The following HAGH variants were observed in gnomAD, a reference collection of about 807,000 sequenced individuals.
HAGH encodes the protein hydroxyacylglutathione hydrolase, mitochondrial.
A neutral mutation model predicts 35.1 loss-of-function variants in HAGH; 29 were observed. The ratio of observed to expected loss-of-function variants is 0.83; its 90% CI spans 0.62 to 1.13. The LOEUF (loss-of-function observed/expected upper bound fraction) is 1.13. HAGH is among the 50% of genes most tolerant of loss of function. The pLI is 0.00. For synonymous variants in HAGH, 225 were observed against 176.1 expected, an observed-to-expected ratio of 1.28 and a Z score of -2.20; for missense variants, 478 against 419.6, an observed-to-expected ratio of 1.14 and a Z score of -1.22.
At chr16:1,823,064 G>C in intron 1 of HAGH, 27 bp from the exon 2 acceptor site, 2 of 1,609,410 alleles carry the variant, frequency 1.2e-6, no homozygotes, top group Non-Finnish European at 1.7e-6. Context: ...CAACTCAGCG[G>C]GCAGCCGCGC....
Position 1,809,272 on chromosome 16 carries a change from G to C in HAGH, c.*11C>G. 1 of 1,576,406 alleles carries C rather than the reference G, an allele frequency of 6.3e-7. No homozygotes were observed. Among genetic ancestry groups the C allele is most frequent in the Non-Finnish European group, 8.7e-7 (1 of 1,150,250 alleles). ...CCTAATCCCCAAATCCGCTGAAGGT[G>C]CAGGGCGGCCTCAGTCCCGGGGCAT... On this transcript the variant is annotated 3_prime_UTR_variant, in exon 9 of 9. Transcript: ENST00000397356.
rs1225380477 is a variant in HAGH at position 1,807,830 on chromosome 16, G to A, written c.*1453C>T. Reference sequence around the variant, plus strand: ...GAACAGACCAGTGACCCCTCCGGGGGGAGGGCATGCATGTGGTCTGAAGTG... The same window carrying A: ...GAACAGACCAGTGACCCCTCCGGGGAGAGGGCATGCATGTGGTCTGAAGTG... On this transcript the variant is annotated 3_prime_UTR_variant, in exon 9 of 9. Transcript: ENST00000397356. 9.2e-6 allele frequency: 1 copy of A among 108,612 alleles called. No homozygotes were observed. Among genetic ancestry groups the A allele is most frequent in the Non-Finnish European group, 1.9e-5 (1 of 52,120 alleles). 6.7% of individuals were successfully genotyped at this position (108,612 alleles called of 1,614,324 possible). A position where few individuals can be genotyped will look rare whatever the true frequency, so the allele number is the denominator to read the frequency against.
At chr16:1,822,080 G>A in intron 3 of HAGH, 1 of 569,446 alleles carries the variant, frequency 1.8e-6, no homozygotes, top group Non-Finnish European at 3.2e-6. Context: ...GGGTAAGGCT[G>A]TAACCTTCTC....
intron 3 of HAGH, among the ~76,000 whole-genome samples, chr16:1,821,086 G>A (rs551408559): frequency 2.6e-5 from 4 of 152,324 alleles, no homozygotes; most frequent in Admixed American, 2.6e-4. Context: ...CATGGTGGCA[G>A]CAAGGGCCTC....
chr16:1,817,337 C>A, intron 5 of HAGH, 66 bp from the exon 6 acceptor site: 2 of 1,011,426 alleles, frequency 2.0e-6, no homozygotes, highest in Middle Eastern at 2.0e-4. Flanking sequence ...CAGGAGGGGG[C>A]CAGGAGCAGG....
Position 1,809,070 on chromosome 16 carries a change from A to G in HAGH, c.*213T>C, listed in dbSNP as rs1596903628. ...GGCCCGAGGGGACAAGCAGAGGCCT[A>G]AAGGCCAGAAGAAAACAGTCTGCAA... On this transcript the variant is annotated 3_prime_UTR_variant, in exon 9 of 9. Coordinates refer to ENST00000397356, the MANE Select transcript of HAGH (RefSeq NM_005326.6). 1 of 521,704 alleles carries G rather than the reference A, an allele frequency of 1.9e-6. No individual in the cohort carries two copies. The highest frequency in any genetic ancestry group is 3.0e-5 in the East Asian group (1 of 32,900). 32.3% of individuals were successfully genotyped at this position (521,704 alleles called of 1,614,324 possible).
chr16:1,809,558 G>A, intron 8 of HAGH, 176 bp from the exon 9 acceptor site: 1 of 664,022 alleles, frequency 1.5e-6, no homozygotes, highest in Non-Finnish European at 2.6e-6. Context: ...GGGTCCAGAA[G>A]GACTCACACC....
intron 7 of HAGH, 51 bp downstream of exon 7, chr16:1,816,842 C>A (rs572814636): frequency 6.1e-6 from 7 of 1,140,700 alleles, no homozygotes; most frequent in Middle Eastern, 3.9e-4. Context: ...CTGTGCACAG[C>A]GGCCCTGAGC....
In HAGH at chr16:1,822,307, G is replaced by A. The variant is rs1322644312; in HGVS notation, c.307C>T (p.His103Tyr). 5 of 1,607,450 alleles carry A rather than the reference G, an allele frequency of 3.1e-6. No homozygotes were observed. Among genetic ancestry groups the A allele is most frequent in the Non-Finnish European group, 4.3e-6 (5 of 1,174,610 alleles). Residue 103 changes from histidine to tyrosine, a missense_variant, in exon 3 of 9, where the codon CAC (histidine) becomes TAC (tyrosine). By Grantham distance (83) the His-to-Tyr change is moderately conservative (BLOSUM62 2). Coordinates refer to ENST00000397356, the MANE Select transcript of HAGH (RefSeq NM_005326.6). ...GTGAGACGCGGCACTTACCAGTGGT[G>A]GTGGGTGGTGAGCACTGTGGTCAGT... ...VKLTTVLTTH[H>Y]HWDHAGGNEK...
chr16:1,810,039 C>T, intron 7 of HAGH: 1 of 574,282 alleles, frequency 1.7e-6, no homozygotes, highest in Non-Finnish European at 3.1e-6. Flanking sequence ...GTGGCAGGCA[C>T]CTGTGGTCCC....
rs1898451515 is a variant in HAGH, at chr16:1,826,734, G to A, written c.54C>T (p.Ala18=). ...CACCGAGGCCTCGGCGGGCGCAGGC[G>A]GCTCCCAGCGCGGCGAGGCTGCGGC... is the stretch of plus-strand genomic sequence containing the variant. The part of the protein sequence containing the change: ...LGRRSLAALG[A]ACARRGLGPA... Residue 18 remains alanine, a synonymous_variant, in exon 1 of 9, where the codon GCC becomes GCT. Coordinates refer to ENST00000397356, the MANE Select transcript of HAGH (RefSeq NM_005326.6). 8.5e-7 allele frequency: 1 copy of A among 1,175,882 alleles called. No individual in the cohort carries two copies. Among genetic ancestry groups the A allele is most frequent in the Non-Finnish European group, 1.0e-6 (1 of 952,550 alleles). 72.8% of individuals were successfully genotyped at this position (1,175,882 alleles called of 1,614,324 possible).
chr16:1,820,111 G>T, intron 3 of HAGH, 97 bp from the exon 4 acceptor site: 1 of 768,436 alleles, frequency 1.3e-6, no homozygotes, highest in Admixed American at 2.0e-5. Flanking sequence ...GCTGCCTGCT[G>T]CTCTTAAACC....
At chr16:1,809,913 C>CA in intron 7 of HAGH, 80 bp from the exon 8 acceptor site, 1 of 1,062,638 alleles carries the variant, frequency 9.4e-7, no homozygotes, top group Non-Finnish European at 1.5e-6. Flanking sequence ...TCTGTGATAC[C>CA]AGCACTTTGG....
chr16:1,817,886 C>A (rs992612649), intron 5 of HAGH, among the ~76,000 whole-genome samples: 1 of 152,256 alleles, frequency 6.6e-6, no homozygotes, highest in African/African-American at 2.4e-5. Context: ...GCCCCAGAAA[C>A]AGGGCAGTCC....
chr16:1,815,802 TG>T, intron 7 of HAGH, among the ~76,000 whole-genome samples: 1 of 152,240 alleles, frequency 6.6e-6, no homozygotes, highest in Non-Finnish European at 1.5e-5. Flanking sequence ...GCGGATTACC[TG>T]AAGTCAGGAG....
At chr16:1,820,055 AGGG>A in intron 3 of HAGH, 41 bp from the exon 4 acceptor site, 1 of 272,500 alleles carries the variant, frequency 3.7e-6, no homozygotes, top group South Asian at 3.2e-5. Context: ...TGCTGAGCTG[AGGG>A]GGCTGCCTGC....
intron 7 of HAGH, among the ~76,000 whole-genome samples, chr16:1,813,130 T>C (rs771018278): frequency 8.5e-5 from 13 of 152,184 alleles, no homozygotes; most frequent in Non-Finnish European, 1.6e-4. Context: ...GTTTGGATCA[T>C]GGGGGGAATC....
At chr16:1,810,806 G>A (rs1032016240) in intron 7 of HAGH, 3 of 152,312 alleles carry the variant, frequency 2.0e-5, no homozygotes, top group Non-Finnish European at 4.4e-5. Flanking sequence ...GTGTCGGTGA[G>A]TGACTCTTCA....
Position 1,817,273 on chromosome 16 carries a change from T to G in HAGH, c.542-2A>C. On this transcript the variant is annotated splice_acceptor_variant, in intron 5 of 8. Transcript: ENST00000397356. LOFTEE classifies it high-confidence loss of function. ...AGCCAGCCACAAACAAGGTGTCACC[T>G]GGAAACAAGGACAGCCACGAGGTGG... 1 of 1,600,170 alleles carries G rather than the reference T, an allele frequency of 6.2e-7. No individual in the cohort carries two copies. Among genetic ancestry groups the G allele is most frequent in the Non-Finnish European group, 8.6e-7 (1 of 1,167,386 alleles).
Sources: allele counts gnomAD v4.1 joint callset (sites outside exome capture counted in the v4.1 genomes callset), GRCh38; gene constraint gnomAD v4.1.1; transcripts MANE v1.5; gene names NCBI Gene and HGNC (gene_info 2026-07-23, HGNC 2026-07-21).